Variants in ZBTB20 observed in about 807,000 individuals in gnomAD.
ZBTB20 encodes the protein zinc finger and BTB domain-containing protein 20.
ZBTB20 carries 9 observed loss-of-function variants against 56.9 expected under a neutral mutation model. The observed-to-expected ratio is 0.16, with a 90% CI of 0.10 to 0.28. ZBTB20 has a LOEUF of 0.28. Among genes scored for constraint, ZBTB20 ranks in the 10% least tolerant of loss-of-function variants. ZBTB20 has a pLI of 1.00. For synonymous variants in ZBTB20, 417 were observed against 420.7 expected, an observed-to-expected ratio of 0.99 and a Z score of 0.11; for missense variants, 655 against 1,003.0, an observed-to-expected ratio of 0.65 and a Z score of 4.69.
chr3:115,099,405 G>A (rs1560571752), intron 1 of ZBTB20, among the ~76,000 whole-genome samples: 1 of 152,096 alleles, frequency 6.6e-6, no homozygotes, highest in Non-Finnish European at 1.5e-5. Context: ...TGTTAAGAAA[G>A]TTCGCATTCT....
At chr3:114,548,725 G>A (rs1327209939) in intron 6 of ZBTB20, among the ~76,000 whole-genome samples, 5 of 151,922 alleles carry the variant, frequency 3.3e-5, no homozygotes, top group African/African-American at 1.2e-4. Context: ...CGCCATATTG[G>A]CCAGGCTGGT....
intron 3 of ZBTB20, among the ~76,000 whole-genome samples, chr3:114,971,376 C>T (rs781479952): frequency 6.6e-6 from 1 of 152,174 alleles, no homozygotes; most frequent in Non-Finnish European, 1.5e-5. Flanking sequence ...TGGGGGGTTC[C>T]AGTCTTTCTC....
At chr3:115,134,101 G>A (rs950017223) in intron 1 of ZBTB20, among the ~76,000 whole-genome samples, 8 of 151,952 alleles carry the variant, frequency 5.3e-5, no homozygotes, top group African/African-American at 1.9e-4. Flanking sequence ...TTAACATTAG[G>A]TTATCTTTAT....
At chr3:114,435,336 T>A (rs531827482) in intron 7 of ZBTB20, among the ~76,000 whole-genome samples, 1 of 152,348 alleles carries the variant, frequency 6.6e-6, no homozygotes, top group Non-Finnish European at 1.5e-5. Flanking sequence ...TCTTTATGCA[T>A]GGATTTCTTT....
At chr3:114,968,275 T>C (rs1390325073) in intron 3 of ZBTB20, among the ~76,000 whole-genome samples, 2 of 152,204 alleles carry the variant, frequency 1.3e-5, no homozygotes, top group Non-Finnish European at 2.9e-5. Context: ...TTAATGGCTG[T>C]TATGTCAAAC....
At chr3:114,818,946 A>C (rs2073096380) in intron 4 of ZBTB20, among the ~76,000 whole-genome samples, 1 of 152,028 alleles carries the variant, frequency 6.6e-6, no homozygotes. Context: ...AAAACTATTA[A>C]GAGAGTTGAA....
chr3:114,455,661 A>G (rs1309058609), intron 7 of ZBTB20, among the ~76,000 whole-genome samples: 6 of 152,148 alleles, frequency 3.9e-5, no homozygotes, highest in African/African-American at 1.4e-4. Context: ...ATCAGCACAG[A>G]CAAAGTCAGT....
chr3:115,078,767 A>G (rs2082690639), intron 1 of ZBTB20, among the ~76,000 whole-genome samples: 1 of 151,914 alleles, frequency 6.6e-6, no homozygotes, highest in African/African-American at 2.4e-5. Flanking sequence ...ACACCTATCA[A>G]GAGCTCGGCA....
intron 10 of ZBTB20, among the ~76,000 whole-genome samples, chr3:114,354,288 C>A: frequency 6.6e-6 from 1 of 152,218 alleles, no homozygotes. Context: ...CTGGTTGTGT[C>A]TGTGATCATC....
chr3:115,013,237 TGAA>T (rs1193366815), intron 2 of ZBTB20, among the ~76,000 whole-genome samples: 1 of 150,004 alleles, frequency 6.7e-6, no homozygotes, highest in Non-Finnish European at 1.5e-5. Context: ...GAGTAGAAAA[TGAA>T]GAAAATAATA....
chr3:114,814,216 T>C (rs2072762762), intron 4 of ZBTB20, among the ~76,000 whole-genome samples: 1 of 150,296 alleles, frequency 6.7e-6, no homozygotes, highest in Non-Finnish European at 1.5e-5. Context: ...TGTTTACCCA[T>C]TTTATTTTTT....
At chr3:114,687,198 A>T (rs2062392434) in intron 6 of ZBTB20, 1 of 151,428 alleles carries the variant, frequency 6.6e-6, no homozygotes, top group Non-Finnish European at 1.5e-5. Context: ...GATGATTTCC[A>T]GCTGAAATGT....
intron 3 of ZBTB20, among the ~76,000 whole-genome samples, chr3:114,926,193 A>C (rs929831095): frequency 6.6e-6 from 1 of 152,194 alleles, no homozygotes; most frequent in Non-Finnish European, 1.5e-5. Flanking sequence ...CTTGGAGTTA[A>C]ATTGTCCCAT....
chr3:114,327,175 C>T lies in ZBTB20; in HGVS notation c.*11830G>A, dbSNP rs1355063537. On this transcript the variant is annotated 3_prime_UTR_variant, in exon 12 of 12. Coordinates refer to ENST00000675478, the MANE Select transcript of ZBTB20 (RefSeq NM_001348800.3). ...TCACACCCTGGAGTCTCTAGAATATCAAACAGGATTTAGACATTAATCTGA... is the reference window on the plus strand; with the variant it reads ...TCACACCCTGGAGTCTCTAGAATATTAAACAGGATTTAGACATTAATCTGA... 6.6e-6 allele frequency: 1 copy of T among 152,058 alleles called. No individual in the cohort carries two copies. The highest frequency in any genetic ancestry group is 2.4e-5 in the African/African-American group (1 of 41,388). The allele number at this position is 152,058 out of a possible 1,614,324, so 9.4% of individuals were successfully genotyped here. A position where few individuals can be genotyped will look rare whatever the true frequency, so the allele number is the denominator to read the frequency against.
At chr3:114,385,450 AG>A (rs1273718391) in intron 8 of ZBTB20, among the ~76,000 whole-genome samples, 3 of 152,218 alleles carry the variant, frequency 2.0e-5, no homozygotes, top group Non-Finnish European at 4.4e-5. Flanking sequence ...GGTTATTGTG[AG>A]GAACAAATGA....
intron 5 of ZBTB20, among the ~76,000 whole-genome samples, chr3:114,750,571 G>A (rs1326692311): frequency 3.3e-5 from 5 of 152,138 alleles, no homozygotes; most frequent in Admixed American, 1.3e-4. Context: ...CAGGACTGAG[G>A]AAAATATAAA....
chr3:114,844,543 A>AAAAC (rs1387127009), intron 4 of ZBTB20, among the ~76,000 whole-genome samples: 2 of 139,420 alleles, frequency 1.4e-5, no homozygotes, highest in African/African-American at 5.5e-5. Flanking sequence ...AAAAAAAAAA[A>AAAAC]AAAAAAAAAC....
At chr3:114,589,198 C>T (rs188375292) in intron 6 of ZBTB20, among the ~76,000 whole-genome samples, 25 of 152,250 alleles carry the variant, frequency 1.6e-4, no homozygotes, top group South Asian at 6.2e-4. Flanking sequence ...CCCCCCAGTG[C>T]GTCTAGTTCT....
At chr3:114,598,660 T>C (rs192474827) in intron 6 of ZBTB20, among the ~76,000 whole-genome samples, 12 of 152,090 alleles carry the variant, frequency 7.9e-5, no homozygotes, top group African/African-American at 2.9e-4. Flanking sequence ...TAAAATATAA[T>C]GCCAATAGGG....
Sources: allele counts gnomAD v4.1 joint callset (sites outside exome capture counted in the v4.1 genomes callset), GRCh38; gene constraint gnomAD v4.1.1; transcripts MANE v1.5; gene names NCBI Gene and HGNC (gene_info 2026-07-23, HGNC 2026-07-21).